The following MBD4 variants were observed in gnomAD, a reference collection of about 807,000 sequenced individuals.
MBD4 encodes the protein methyl-CpG binding domain 4, DNA glycosylase.
A neutral mutation model predicts 60.2 loss-of-function variants in MBD4; 53 were observed. The observed-to-expected ratio is 0.88, with a 90% CI of 0.71 to 1.11. The LOEUF (loss-of-function observed/expected upper bound fraction) is 1.11. MBD4 is among the 50% of genes least tolerant of loss of function. The pLI is 0.00. For synonymous variants in MBD4, 231 were observed against 229.8 expected (o/e 1.01, Z -0.05); for missense variants, 619 against 674.0 (o/e 0.92, Z 0.90).
chr3:129,438,146 AGGTT>A (rs2072511941), intron 1 of MBD4, among the ~76,000 whole-genome samples, 196 bp from the exon 2 acceptor site: 1 of 152,216 alleles, frequency 6.6e-6, no homozygotes, highest in Non-Finnish European at 1.5e-5. Context: ...CCTCTAGCAC[AGGTT>A]AAAAGGTGTT....
intron 7 of MBD4, chr3:129,432,053 G>C (rs775685504): frequency 5.2e-6 from 4 of 769,690 alleles, no homozygotes; most frequent in Non-Finnish European, 7.0e-6. Context: ...ATGACCACCA[G>C]CATGCCACAG....
rs935633452 is a variant in MBD4, at chr3:129,433,963, T to C, written c.1280A>G (p.Lys427Arg). ...NKEALSPPRR[K>R]AFKKWTPPRS... ...AGGAGGTGTCCATTTCTTAAAGGCT[T>C]TACGTCGTGGGGGGCTAAGAGCTAA... The change falls in exon 5 of 8, where the codon AAA becomes AGA. Residue 427 changes from lysine (K) to arginine (R), a missense_variant. Transcript: ENST00000429544. 2 of 1,614,186 alleles carry C rather than the reference T, an allele frequency of 1.2e-6. No homozygotes were observed. Among genetic ancestry groups the C allele is most frequent in the East Asian group, 4.5e-5 (2 of 44,880 alleles).
Position 129,431,113 on chromosome 3 carries a change from C to A in MBD4, c.*388G>T. 4.5e-6 allele frequency: 1 copy of A among 224,414 alleles called. No homozygotes were observed. Among genetic ancestry groups the A allele is most frequent in the Non-Finnish European group, 8.9e-6 (1 of 111,830 alleles). 13.9% of individuals were successfully genotyped at this position (224,414 alleles called of 1,614,324 possible). A position where few individuals can be genotyped will look rare whatever the true frequency, so the allele number is the denominator to read the frequency against. ...AAATGATCCTCCTGCCTCAGCCTTC[C>A]GAGATTACAGGCATGCACCACCACG... On this transcript the variant is annotated 3_prime_UTR_variant, in exon 8 of 8. Transcript: ENST00000429544.
In MBD4 at chr3:129,433,260, A is replaced by G. The variant is rs762778808; in HGVS notation, c.1394-13T>C. The G allele has an allele frequency of 1.9e-6, 3 of 1,614,108 alleles. No individual in the cohort carries two copies. Among genetic ancestry groups the G allele is most frequent in the Non-Finnish European group, 2.5e-6 (3 of 1,179,948 alleles). On this transcript the variant is annotated splice_polypyrimidine_tract_variant and intron_variant, in intron 5 of 7. Transcript: ENST00000429544. ...ATTGCCATTTTGCCTGGGAAGTAAA[A>G]GTAACTGAATGATTACAAGACTCCA... is the stretch of plus-strand genomic sequence containing the variant.
At position 129,431,074 on chromosome 3, in the gene MBD4, G is replaced by C. The variant is rs559528030; in HGVS notation, c.*427C>G. On this transcript the variant is annotated 3_prime_UTR_variant, in exon 8 of 8. Coordinates refer to ENST00000429544, the MANE Select transcript of MBD4 (RefSeq NM_001276270.2). ...GCTCACTGAAGCCTTGACCTCCTGG[G>C]CCCTCATGAGCTCAAATGATCCTCC... 5.1e-6 allele frequency: 1 copy of C among 197,500 alleles called. No individual in the cohort carries two copies. The highest frequency in any genetic ancestry group is 8.0e-5 in the South Asian group (1 of 12,440). The allele number at this position is 197,500 out of a possible 1,614,324, so 12.2% of individuals were successfully genotyped here.
rs766926424 is a variant in MBD4, at chr3:129,431,510, A to C, written c.1716T>G (p.Ser572Arg). The change falls in exon 8 of 8, where the codon AGT becomes AGG. Residue 572 changes from serine to arginine, a missense_variant. Coordinates refer to ENST00000429544, the MANE Select transcript of MBD4 (RefSeq NM_001276270.2). ...DWLWENHEKLSLS is the reference protein window; with the variant it reads ...DWLWENHEKLRLS The stretch of plus-strand genomic sequence containing the variant: ...TTGAAAGCTGCAGAGTTTAAGATAG[A>C]CTTAATTTTTCATGATTTTCCCAAA... 1.9e-6 allele frequency: 3 copies of C among 1,612,848 alleles called. No individual in the cohort carries two copies. Among genetic ancestry groups the C allele is most frequent in the Admixed American group, 3.3e-5 (2 of 60,018 alleles).
chr3:129,437,186 G>A lies in MBD4; in HGVS notation c.458C>T (p.Ser153Leu). 1.2e-6 allele frequency: 2 copies of A among 1,613,974 alleles called. No homozygotes were observed. Among genetic ancestry groups the A allele is most frequent in the East Asian group, 2.2e-5 (1 of 44,882 alleles). The stretch of plus-strand genomic sequence containing the variant: ...TGCCATGCTGCAGTCTTTATATCTT[G>A]ACTTGATACCCCTTTTAGAAAGTAC... ...FTVLSKRGIK[S>L]RYKDCSMAAL... Residue 153 changes from serine to leucine, a missense_variant, in exon 3 of 8, where the codon TCA (serine) becomes TTA (leucine). By Grantham distance (145) the Ser-to-Leu change is moderately radical. Transcript: ENST00000429544.
At chr3:129,439,511 CCA>C (rs1452085514) in intron 1 of MBD4, among the ~76,000 whole-genome samples, 9 of 152,288 alleles carry the variant, frequency 5.9e-5, no homozygotes, top group Non-Finnish European at 5.9e-5. Context: ...CGGCTCCCCC[CCA>C]GTCTCCCTAG....
Position 129,437,211 on chromosome 3 carries a change from C to T in MBD4, c.433G>A (p.Val145Ile). ...SLKPEDFDFT[V>I]LSKRGIKSRY... Reference sequence around the variant, plus strand: ...GACTTGATACCCCTTTTAGAAAGTACAGTAAAATCAAAATCTTCTGGCTTA... The same window carrying T: ...GACTTGATACCCCTTTTAGAAAGTATAGTAAAATCAAAATCTTCTGGCTTA... Residue 145 changes from valine to isoleucine, a missense_variant, in exon 3 of 8, where the codon GTA (valine) becomes ATA (isoleucine). Transcript: ENST00000429544. The T allele has an allele frequency of 1.2e-6, 2 of 1,613,452 alleles. No homozygotes were observed. Among genetic ancestry groups the T allele is most frequent in the Non-Finnish European group, 1.7e-6 (2 of 1,179,724 alleles).
Position 129,433,741 on chromosome 3 carries a change from C to T in MBD4, c.1393+109G>A, listed in dbSNP as rs3138353. On this transcript the variant is annotated intron_variant, in intron 5 of 7. Coordinates refer to ENST00000429544, the MANE Select transcript of MBD4 (RefSeq NM_001276270.2). ...AGTTTAAGGGTGAAGGGGGAATGCC[C>T]TATCCCAGGTGACACACTCAAAATG... is the stretch of plus-strand genomic sequence containing the variant. 199,839 of 1,325,570 alleles carry T rather than the reference C, an allele frequency of 0.15. 23,772 individuals are homozygous for T. The highest frequency in any genetic ancestry group is 0.48 in the African/African-American group (33,201 of 68,878). 82.1% of individuals were successfully genotyped at this position (1,325,570 alleles called of 1,614,324 possible).
intron 3 of MBD4, among the ~76,000 whole-genome samples, chr3:129,434,925 A>G (rs573625028): frequency 6.6e-6 from 1 of 152,328 alleles, no homozygotes; most frequent in Non-Finnish European, 1.5e-5. Flanking sequence ...TCAAATTTCT[A>G]AAATCACATG....
chr3:129,433,019 G>A, intron 6 of MBD4, 79 bp downstream of exon 6: 1 of 1,556,890 alleles, frequency 6.4e-7, no homozygotes, highest in Non-Finnish European at 8.9e-7. Context: ...TAGTATCTGA[G>A]AACATTAAAG....
rs994641746 is a variant in MBD4 at position 129,436,647 on chromosome 3, T to C, written c.997A>G (p.Ile333Val). Residue 333 changes from isoleucine (I) to valine (V), a missense_variant, in exon 3 of 8, where the codon ATA becomes GTA. Transcript: ENST00000429544. ...FCSEQKTSGI[I>V]NKFCSAKDSE... ...TCTTTGGCTGAACAAAATTTGTTTATGATGCCAGAAGTTTTTTGTTCAGAA... is the reference window on the plus strand; with the variant it reads ...TCTTTGGCTGAACAAAATTTGTTTACGATGCCAGAAGTTTTTTGTTCAGAA... The C allele has an allele frequency of 9.3e-6, 15 of 1,614,072 alleles. No individual in the cohort carries two copies. The highest frequency in any genetic ancestry group is 2.2e-5 in the East Asian group (1 of 44,892).
chr3:129,439,630 G>T, intron 1 of MBD4, 100 bp downstream of exon 1: 2 of 838,262 alleles, frequency 2.4e-6, no homozygotes, highest in South Asian at 1.4e-5. Context: ...GGTTTCTGCC[G>T]ACCCTCTGTC....
rs2072477922 is a variant in MBD4 at position 129,437,037 on chromosome 3, C to A, written c.607G>T (p.Gly203Ter). 6.2e-7 allele frequency: 1 copy of A among 1,614,144 alleles called. No homozygotes were observed. Among genetic ancestry groups the A allele is most frequent in the Non-Finnish European group, 8.5e-7 (1 of 1,180,030 alleles). ...SSSSELQESRGLSNFTSTHLL... is the reference protein window; with the variant it reads ...SSSSELQESR ...TGAGTGGAAGTAAAGTTAGAGAGTC[C>A]TCTGCTCTCCTGCAACTCTGAACTA... is the stretch of plus-strand genomic sequence containing the variant. Residue 203 changes from glycine (G) to a stop codon, truncating the protein, a stop_gained, in exon 3 of 8, where the codon GGA becomes TGA. Transcript: ENST00000429544. LOFTEE classifies it high-confidence loss of function.
At position 129,436,866 on chromosome 3, in the gene MBD4, T is replaced by C; in HGVS notation, c.778A>G (p.Ser260Gly). 6.2e-7 allele frequency: 1 copy of C among 1,614,190 alleles called. No individual in the cohort carries two copies. The highest frequency in any genetic ancestry group is 2.2e-5 in the East Asian group (1 of 44,882). ...CACACAGATTCTCTTTTGCTATCAC[T>C]TTGAACAAAACCTGAACAGCTCTTC... ...CRKSCSGFVQ[S>G]DSKRESVCNK... The change falls in exon 3 of 8, where the codon AGT becomes GGT. Residue 260 changes from serine to glycine, a missense_variant. Physicochemically the swap from Ser to Gly is moderately conservative, Grantham distance 56 (BLOSUM62 0). Coordinates refer to ENST00000429544, the MANE Select transcript of MBD4 (RefSeq NM_001276270.2).
At position 129,437,730 on chromosome 3, in the gene MBD4, A is replaced by G. The variant is rs768695815; in HGVS notation, c.325T>C (p.Tyr109His). The G allele has an allele frequency of 1.2e-6, 2 of 1,611,708 alleles. No individual in the cohort carries two copies. Among genetic ancestry groups the G allele is most frequent in the Admixed American group, 3.3e-5 (2 of 60,028 alleles). Residue 109 changes from tyrosine (Y) to histidine (H), a missense_variant, in exon 2 of 8, where the codon TAC (tyrosine) becomes CAC (histidine). Coordinates refer to ENST00000429544, the MANE Select transcript of MBD4 (RefSeq NM_001276270.2). ...ATCTTATATGCTTACCTGATAAAGT[A>G]CACATCAAATCTTCCTGCTGTCTTC... ...FGKTAGRFDV[Y>H]FISPQGLKFR...
chr3:129,438,721 C>CA (rs60153317), intron 1 of MBD4, among the ~76,000 whole-genome samples: 3,938 of 150,716 alleles, frequency 0.026, 157 homozygotes, highest in African/African-American at 0.09. Context: ...GCCTGGAGAG[C>CA]ACAGTGAGAT....
intron 3 of MBD4, 75 bp downstream of exon 3, chr3:129,436,386 C>G (rs1026206189): frequency 5.2e-5 from 81 of 1,568,854 alleles, no homozygotes; most frequent in Admixed American, 6.8e-5. Context: ...ATACAAGATG[C>G]AGCATTATAA....
Sources: gnomAD v4.1 joint callset for allele counts (sites outside exome capture counted in the v4.1 genomes callset) on GRCh38, gnomAD v4.1.1 for gene constraint, MANE v1.5 for transcripts, NCBI Gene and HGNC (gene_info 2026-07-23, HGNC 2026-07-21) for gene names.